The following NIN variants were observed in gnomAD, a reference collection of about 807,000 sequenced individuals.
NIN encodes glycogen synthase kinase 3 beta-interacting protein.
A neutral mutation model predicts 257.6 loss-of-function variants in NIN; 137 were observed. The observed-to-expected ratio is 0.53, with a 90% CI of 0.46 to 0.61. The LOEUF is 0.61. NIN is among the 20% of genes least tolerant of loss of function. NIN has a pLI of 0.00. For synonymous variants in NIN, 918 were observed against 919.8 expected (o/e 1.00, Z 0.04); for missense variants, 2,439 against 2,501.2 (o/e 0.98, Z 0.53).
At position 50,723,075 on chromosome 14, in the gene NIN, A is replaced by G. The variant is rs974050166; in HGVS notation, c.*388T>C. The G allele has an allele frequency of 3.1e-5, 7 of 222,482 alleles. No homozygotes were observed. Among genetic ancestry groups the G allele is most frequent in the African/African-American group, 1.3e-4 (6 of 44,496 alleles). The allele number at this position is 222,482 out of a possible 1,614,324, so 13.8% of individuals were successfully genotyped here. A position where few individuals can be genotyped will look rare whatever the true frequency, so the allele number is the denominator to read the frequency against. Reference sequence around the variant, plus strand: ...TAAATTTGGTTTTAAAATAAAGTTTATAACAACCATTCTCATCAGATCTCA... The same window carrying G: ...TAAATTTGGTTTTAAAATAAAGTTTGTAACAACCATTCTCATCAGATCTCA... On this transcript the variant is annotated 3_prime_UTR_variant, in exon 31 of 31. Transcript: ENST00000530997.
chr14:50,763,100 G>A (rs1203679072), intron 15 of NIN, among the ~76,000 whole-genome samples: 1 of 152,120 alleles, frequency 6.6e-6, no homozygotes, highest in African/African-American at 2.4e-5. Context: ...GCAGTAAGAG[G>A]AGGAATAAAC....
chr14:50,770,968 T>G lies in NIN; in HGVS notation c.1143A>C (p.Arg381Ser). The G allele has an allele frequency of 6.2e-7, 1 of 1,614,142 alleles. No individual in the cohort carries two copies. Among genetic ancestry groups the G allele is most frequent in the African/African-American group, 1.3e-5 (1 of 75,044 alleles). ...GATCTGACCGTAGCTTCTCTTTTTC[T>G]CTGACCACCTGATCAACTCGTTCCC... ...HLLERVDQVV[R>S]EKEKLRSDLD... Residue 381 changes from arginine (R) to serine (S), a missense_variant, in exon 11 of 31, where the codon AGA becomes AGC. Physicochemically the swap from Arg to Ser is moderately radical, Grantham distance 110. Transcript: ENST00000530997.
intron 4 of NIN, chr14:50,805,920 A>G (rs1330792653): frequency 1.3e-5 from 2 of 152,110 alleles, no homozygotes; most frequent in African/African-American, 4.8e-5. Context: ...CACTAATTTG[A>G]TAAAACCAGA....
Position 50,763,928 on chromosome 14 carries a change from G to T in NIN, c.1672C>A (p.Leu558Met). The T allele has an allele frequency of 6.2e-7, 1 of 1,613,958 alleles. No homozygotes were observed. The change falls in exon 15 of 31, where the codon CTG becomes ATG. Residue 558 changes from leucine to methionine, a missense_variant. Transcript: ENST00000530997. ...QDQVDELQSE[L>M]EEYRAQGRVL... ...CTGCCTTGTGCACGATATTCTTCCA[G>T]CTCAGACTGGAGTTCATCTACTTGG...
chr14:50,755,696 A>T (rs1426047154), intron 18 of NIN, among the ~76,000 whole-genome samples: 2 of 120,866 alleles, frequency 1.7e-5, no homozygotes, highest in African/African-American at 3.4e-5. Context: ...ACAGGGTCTC[A>T]CTCTGTCACC....
At chr14:50,803,861 G>C (rs1208599233) in intron 4 of NIN, among the ~76,000 whole-genome samples, 1 of 151,752 alleles carries the variant, frequency 6.6e-6, no homozygotes, top group African/African-American at 2.4e-5. Context: ...AAACCAGTCT[G>C]CCTGCAGCGG....
At chr14:50,767,083 C>T (rs2042518739) in intron 12 of NIN, among the ~76,000 whole-genome samples, 193 bp from the exon 13 acceptor site, 1 of 152,134 alleles carries the variant, frequency 6.6e-6, no homozygotes, top group African/African-American at 2.4e-5. Context: ...AATAAGTTTG[C>T]CCTTTTGTTT....
At chr14:50,769,107 G>A (rs981788030) in intron 12 of NIN, among the ~76,000 whole-genome samples, 13 of 152,204 alleles carry the variant, frequency 8.5e-5, no homozygotes, top group Admixed American at 5.2e-4. Context: ...AACCTTTTGC[G>A]ATAGCAATAA....
rs781586637 is a variant in NIN, at chr14:50,761,773, T to C, written c.1896+17A>G. Reference sequence around the variant, plus strand: ...GCCAAAAGAAATTAGAGAAGTGGATTGGTGGGAAGGACTTACTTTATCTTC... The same window carrying C: ...GCCAAAAGAAATTAGAGAAGTGGATCGGTGGGAAGGACTTACTTTATCTTC... On this transcript the variant is annotated intron_variant, in intron 16 of 30. Coordinates refer to ENST00000530997, the MANE Select transcript of NIN (RefSeq NM_020921.4). The C allele has an allele frequency of 5.0e-6, 8 of 1,613,892 alleles. No individual in the cohort carries two copies. The Admixed American group carries it at 1.3e-4, about 27-fold the overall frequency.
chr14:50,733,810 C>G (rs2040837518), intron 28 of NIN, among the ~76,000 whole-genome samples: 1 of 152,262 alleles, frequency 6.6e-6, no homozygotes, highest in East Asian at 1.9e-4. Context: ...CAGCCCACAG[C>G]TCAAAGTTTT....
chr14:50,748,210 A>G (rs1428488014), intron 21 of NIN, 105 bp from the exon 22 acceptor site: 1 of 663,112 alleles, frequency 1.5e-6, no homozygotes, highest in African/African-American at 1.8e-5. Flanking sequence ...ATATGAACTC[A>G]ATGACACTGT....
chr14:50,815,737 T>C lies in NIN; in HGVS notation c.183+6137A>G, dbSNP rs757572670. Among the ~76,000 whole-genome samples, 3 of 152,216 alleles carry C rather than the reference T, an allele frequency of 2.0e-5. No individual in the cohort carries two copies. In the South Asian group the frequency reaches 6.2e-4, roughly 32 times the overall value. ...AAAAAGGAACAAAATCGGTGGGGCA[T>C]GGTGGCTCAGGCCTGTAATCCCAGC... On this transcript the variant is annotated intron_variant, in intron 3 of 30. Coordinates refer to ENST00000530997, the MANE Select transcript of NIN (RefSeq NM_020921.4).
chr14:50,759,748 C>A, intron 17 of NIN, 109 bp downstream of exon 17: 7 of 1,204,640 alleles, frequency 5.8e-6, no homozygotes, highest in Non-Finnish European at 8.1e-6. Context: ...CTCGGCCTCC[C>A]AGAGTGCTGG....
At chr14:50,767,853 A>G (rs1055212642) in intron 12 of NIN, among the ~76,000 whole-genome samples, 1 of 151,816 alleles carries the variant, frequency 6.6e-6, no homozygotes, top group African/African-American at 2.4e-5. Flanking sequence ...TCTAAAATCA[A>G]TTTATTGATA....
At chr14:50,734,565 G>C (rs983686550) in intron 28 of NIN, among the ~76,000 whole-genome samples, 1 of 152,184 alleles carries the variant, frequency 6.6e-6, no homozygotes, top group Non-Finnish European at 1.5e-5. Flanking sequence ...TCCTTAAGAA[G>C]GATGTACACA....
intron 17 of NIN, among the ~76,000 whole-genome samples, chr14:50,759,451 G>A (rs2042177871): frequency 6.6e-6 from 1 of 151,534 alleles, no homozygotes; most frequent in Non-Finnish European, 1.5e-5. Flanking sequence ...CAATCAATGG[G>A]CTATTATGCC....
intron 12 of NIN, among the ~76,000 whole-genome samples, chr14:50,767,628 G>C (rs6572696): frequency 3.7e-4 from 56 of 152,136 alleles, no homozygotes; most frequent in South Asian, 1.5e-3. Context: ...CCATCCTGGC[G>C]AACACGGTGA....
intron 4 of NIN, among the ~76,000 whole-genome samples, chr14:50,800,875 T>A (rs2044070263): frequency 6.6e-6 from 1 of 151,582 alleles, no homozygotes; most frequent in Admixed American, 6.6e-5. Flanking sequence ...CTCCGCCTCC[T>A]GGGTTCAACC....
chr14:50,814,542 C>T (rs979726660), intron 3 of NIN, among the ~76,000 whole-genome samples: 3 of 152,066 alleles, frequency 2.0e-5, no homozygotes, highest in East Asian at 1.9e-4. Flanking sequence ...TTTAAGATAA[C>T]GTGTTCATAT....
Sources: allele counts gnomAD v4.1 joint callset (sites outside exome capture counted in the v4.1 genomes callset), GRCh38; gene constraint gnomAD v4.1.1; transcripts MANE v1.5; gene names NCBI Gene and HGNC (gene_info 2026-07-23, HGNC 2026-07-21).